The following ADIPOR1 variants were observed in gnomAD, a reference collection of about 807,000 sequenced individuals.
The protein encoded by ADIPOR1 is adiponectin receptor 1, also known as adiponectin receptor protein 1.
In ADIPOR1, 15 loss-of-function variants were observed where a neutral mutation model predicts 37.5. That is an observed-to-expected ratio of 0.40 (90% CI 0.27 to 0.62). The LOEUF (loss-of-function observed/expected upper bound fraction) is 0.62, where lower values mean the gene tolerates loss of function less well. Among genes scored for constraint, ADIPOR1 ranks in the 20% least tolerant of loss-of-function variants. ADIPOR1 has a pLI of 0.42. For missense variants in ADIPOR1, 286 were observed against 478.0 expected, an observed-to-expected ratio of 0.60 and a Z score of 3.75; for synonymous variants, 173 against 173.2, an observed-to-expected ratio of 1.00 and a Z score of 0.01.
At position 202,951,158 on chromosome 1, in the gene ADIPOR1, G is replaced by A; in HGVS notation, c.-88C>T. 1.3e-6 allele frequency: 2 copies of A among 1,511,736 alleles called. No homozygotes were observed. Among genetic ancestry groups the A allele is most frequent in the Non-Finnish European group, 1.8e-6 (2 of 1,104,990 alleles). 93.6% of individuals were successfully genotyped at this position (1,511,736 alleles called of 1,614,324 possible). A position where few individuals can be genotyped will look rare whatever the true frequency, so the allele number is the denominator to read the frequency against. On this transcript the variant is annotated 5_prime_UTR_variant, in exon 2 of 8. Transcript: ENST00000340990. ...AGGGGGCAGAGATCTCCCTCTGATGGTAGACACTAAAAGAAAATACAAACA... is the reference window on the plus strand; with the variant it reads ...AGGGGGCAGAGATCTCCCTCTGATGATAGACACTAAAAGAAAATACAAACA...
At chr1:202,941,722 G>C (rs749075333) in intron 7 of ADIPOR1, 21 bp from the exon 8 acceptor site, 4 of 1,603,474 alleles carry the variant, frequency 2.5e-6, no homozygotes, top group South Asian at 1.1e-5. Context: ...AAAAAGAAAA[G>C]AGCCTTTAGG....
Position 202,946,572 on chromosome 1 carries a change from C to T in ADIPOR1, c.297G>A (p.Val99=), listed in dbSNP as rs1654329004. The T allele has an allele frequency of 1.2e-6, 2 of 1,613,920 alleles. No individual in the cohort carries two copies. Among genetic ancestry groups the T allele is most frequent in the African/African-American group, 1.3e-5 (1 of 74,848 alleles). ...EGRWRVIPYD[V]LPDWLKDNDY... ...CGTTGTCCTTTAGCCAGTCAGGGAG[C>T]ACATCATATGGGATGACCCTCCAAC... The change falls in exon 4 of 8, where the codon GTG becomes GTA. Residue 99 remains valine, a synonymous_variant. Transcript: ENST00000340990.
rs1051544184 is a variant in ADIPOR1, at chr1:202,941,879, GT to G, written c.999+145del. ...GTCCTTGTCAGAGATACACCAAAAT[GT>G]TAATATTGATGATTTACCTTCAATG... On this transcript the variant is annotated intron_variant, in intron 7 of 7. Coordinates refer to ENST00000340990, the MANE Select transcript of ADIPOR1 (RefSeq NM_015999.6). 5.2e-6 allele frequency: 6 copies of G among 1,164,766 alleles called. No individual in the cohort carries two copies. The African/African-American group carries it at 9.3e-5, about 18-fold the overall frequency. The allele number at this position is 1,164,766 out of a possible 1,614,324, so 72.2% of individuals were successfully genotyped here. A position where few individuals can be genotyped will look rare whatever the true frequency, so the allele number is the denominator to read the frequency against.
rs145227006 is a variant in ADIPOR1, at chr1:202,947,888, A to G, written c.258+416T>C. ...ACTTGTGGCTTTGTCACCAATAGAA[A>G]TCAGATACTCTCACACATTAGTTCT... On this transcript the variant is annotated intron_variant, in intron 3 of 7. Transcript: ENST00000340990. Among the ~76,000 whole-genome samples, 240 of 152,294 alleles carry G rather than the reference A, an allele frequency of 1.6e-3. 1 individual carries two copies. The highest frequency in any genetic ancestry group is 5.2e-3 in the African/African-American group (218 of 41,570).
Position 202,952,069 on chromosome 1 carries a change from A to G in ADIPOR1, c.-94-905T>C, listed in dbSNP as rs143574607. Among the ~76,000 whole-genome samples, 165 of 152,334 alleles carry G rather than the reference A, an allele frequency of 1.1e-3. 3 individuals are homozygous for G. Among genetic ancestry groups the G allele is most frequent in the African/African-American group, 3.7e-3 (155 of 41,564 alleles). On this transcript the variant is annotated intron_variant, in intron 1 of 7. Transcript: ENST00000340990. ...AGGTTTTCCTGGGTTGGATTTTCAC[A>G]GTAGTCTTTAAACAGGCCTCAGGGA...
Position 202,941,415 on chromosome 1 carries a change from C to A in ADIPOR1, c.*158G>T. 1 of 827,442 alleles carries A rather than the reference C, an allele frequency of 1.2e-6. No homozygotes were observed. Among genetic ancestry groups the A allele is most frequent in the South Asian group, 2.6e-5 (1 of 38,718 alleles). 51.3% of individuals were successfully genotyped at this position (827,442 alleles called of 1,614,324 possible). A position where few individuals can be genotyped will look rare whatever the true frequency, so the allele number is the denominator to read the frequency against. ...GAATGGAAATGGAAAGTTTATTGCC[C>A]AGTGGGTGTGAAAGTGGGCTGAAGC... is the stretch of plus-strand genomic sequence containing the variant. On this transcript the variant is annotated 3_prime_UTR_variant, in exon 8 of 8. Coordinates refer to ENST00000340990, the MANE Select transcript of ADIPOR1 (RefSeq NM_015999.6).
intron 2 of ADIPOR1, 146 bp downstream of exon 2, chr1:202,950,784 A>G (rs1654543699): frequency 1.8e-6 from 2 of 1,136,864 alleles, no homozygotes; most frequent in Non-Finnish European, 2.5e-6. Context: ...CAAGATGTTT[A>G]TAACAGTATC....
At chr1:202,956,561 T>C (rs1037579484) in intron 1 of ADIPOR1, among the ~76,000 whole-genome samples, 2 of 152,164 alleles carry the variant, frequency 1.3e-5, no homozygotes, top group African/African-American at 2.4e-5. Context: ...AGTGCCATTA[T>C]GTGCAGGAGG....
At chr1:202,948,997 G>T (rs923176886) in intron 2 of ADIPOR1, among the ~76,000 whole-genome samples, 1 of 151,318 alleles carries the variant, frequency 6.6e-6, no homozygotes, top group Admixed American at 6.6e-5. Context: ...CACCATGTTG[G>T]CCAGGCTGTT....
chr1:202,949,593 A>AAAAAAAAAAAAAAAAAAC (rs1332418254), intron 2 of ADIPOR1, among the ~76,000 whole-genome samples: 15 of 138,396 alleles, frequency 1.1e-4, no homozygotes, highest in East Asian at 4.8e-4. Context: ...AAAAAAAAAA[A>AAAAAAAAAAAAAAAAAAC]AAAACACACC....
intron 3 of ADIPOR1, among the ~76,000 whole-genome samples, chr1:202,947,934 T>A (rs771208041): frequency 2.0e-5 from 3 of 152,214 alleles, no homozygotes; most frequent in Non-Finnish European, 4.4e-5. Context: ...CAAAATACTG[T>A]TTCTATTCAT....
rs1654050588 is a variant in ADIPOR1 at position 202,940,855 on chromosome 1, ACTTT to A, written c.*714_*717del. Reference sequence around the variant, plus strand: ...TCTTTGAATGCCAAGTGTCTTCTGTACTTTCTTTTATTAACATCATAGTCTTTGC... The same window carrying A: ...TCTTTGAATGCCAAGTGTCTTCTGTACTTTTATTAACATCATAGTCTTTGC... On this transcript the variant is annotated 3_prime_UTR_variant, in exon 8 of 8. Transcript: ENST00000340990. The A allele has an allele frequency of 6.6e-6, 1 of 152,608 alleles. No individual in the cohort carries two copies. Among genetic ancestry groups the A allele is most frequent in the Admixed American group, 6.5e-5 (1 of 15,270 alleles). The allele number at this position is 152,608 out of a possible 1,614,324, so 9.5% of individuals were successfully genotyped here.
At chr1:202,946,228 C>G (rs1255907423) in intron 4 of ADIPOR1, among the ~76,000 whole-genome samples, 1 of 152,074 alleles carries the variant, frequency 6.6e-6, no homozygotes, top group Admixed American at 6.5e-5. Flanking sequence ...AAAAAAATAT[C>G]TAGTCCCAAT....
chr1:202,941,909 A>T, intron 7 of ADIPOR1, 116 bp downstream of exon 7: 1 of 1,236,242 alleles, frequency 8.1e-7, no homozygotes, highest in Non-Finnish European at 1.1e-6. Context: ...TTCAATGCAC[A>T]TATATGTACC....
intron 2 of ADIPOR1, among the ~76,000 whole-genome samples, chr1:202,948,905 C>T (rs1654442388): frequency 6.6e-6 from 1 of 151,934 alleles, no homozygotes; most frequent in South Asian, 2.1e-4. Context: ...AATTCTCATG[C>T]CTCGGCCTCC....
At chr1:202,949,593 A>AAAAAC (rs1654483219) in intron 2 of ADIPOR1, among the ~76,000 whole-genome samples, 1 of 138,334 alleles carries the variant, frequency 7.2e-6, no homozygotes, top group Non-Finnish European at 1.6e-5. Flanking sequence ...AAAAAAAAAA[A>AAAAAC]AAAACACACC....
At chr1:202,950,768 A>C (rs1654542483) in intron 2 of ADIPOR1, among the ~76,000 whole-genome samples, 162 bp downstream of exon 2, 1 of 152,256 alleles carries the variant, frequency 6.6e-6, no homozygotes, top group Non-Finnish European at 1.5e-5. Context: ...TGGGGAAAGC[A>C]GACAACAAGA....
intron 5 of ADIPOR1, chr1:202,944,763 T>C: frequency 2.6e-6 from 1 of 378,862 alleles, no homozygotes; most frequent in Non-Finnish European, 4.8e-6. Flanking sequence ...ATTCCACAAT[T>C]GGTCTCTCCA....
intron 1 of ADIPOR1, among the ~76,000 whole-genome samples, chr1:202,952,380 T>C (rs893114086): frequency 5.3e-5 from 8 of 152,198 alleles, no homozygotes; most frequent in Non-Finnish European, 7.3e-5. Flanking sequence ...ATCTTTTATA[T>C]TGGGCAGTAA....
Sources: allele counts gnomAD v4.1 joint callset (sites outside exome capture counted in the v4.1 genomes callset), GRCh38; gene constraint gnomAD v4.1.1; transcripts MANE v1.5; gene names NCBI Gene and HGNC (gene_info 2026-07-23, HGNC 2026-07-21).